The following ZNF443 variants were observed in gnomAD, a reference collection of about 807,000 sequenced individuals.
ZNF443 encodes zinc finger protein 443.
In ZNF443, 3 loss-of-function variants were observed where a neutral mutation model predicts 12.0. The observed-to-expected ratio is 0.25, with a 90% CI of 0.11 to 0.64. The LOEUF (loss-of-function observed/expected upper bound fraction) is 0.64. Ranked by LOEUF, ZNF443 falls within the 30% of genes least tolerant of loss-of-function variation. The pLI is 0.84. For missense variants in ZNF443, 770 were observed against 808.8 expected (o/e 0.95, Z 0.58); for synonymous variants, 225 against 265.9 (o/e 0.85, Z 1.50).
rs1803668437 is a variant in ZNF443, at chr19:12,430,595, TGA to T, written c.1575_1576del (p.Thr527ArgfsTer6). 6 of 1,614,044 alleles carry T rather than the reference TGA, an allele frequency of 3.7e-6. No individual in the cohort carries two copies. The highest frequency in any genetic ancestry group is 5.1e-6 in the Non-Finnish European group (6 of 1,179,960). The stretch of plus-strand genomic sequence containing the variant: ...ACACTCATAAGGTTTCTCTCCTGTG[TGA>T]GTCCTTTTATGTCGAGAAAGGTATC... On this transcript the variant is annotated frameshift_variant, in exon 4 of 4. Coordinates refer to ENST00000301547, the MANE Select transcript of ZNF443 (RefSeq NM_005815.5). LOFTEE classifies it low-confidence loss of function (END_TRUNC).
intron 1 of ZNF443, among the ~76,000 whole-genome samples, chr19:12,436,973 G>A (rs1287417068): frequency 1.3e-5 from 2 of 151,314 alleles, no homozygotes; most frequent in African/African-American, 4.9e-5. Flanking sequence ...GCAGGAGGGA[G>A]GAATGCTGAA....
Position 12,430,969 on chromosome 19 carries a change from T to C in ZNF443, c.1203A>G (p.Ala401=), listed in dbSNP as rs541137100. Residue 401 remains alanine, a synonymous_variant, in exon 4 of 4, where the codon GCA becomes GCG. Coordinates refer to ENST00000301547, the MANE Select transcript of ZNF443 (RefSeq NM_005815.5). ...TTCGAAAGCTTGAGCGATGAGATAA[T>C]GCTTTCCCACACTGCTTGCATTCAT... The part of the protein sequence containing the change: ...KPYECKQCGK[A]LSHRSSFRSH... 1.1e-5 allele frequency: 18 copies of C among 1,613,676 alleles called. No individual in the cohort carries two copies. The highest frequency in any genetic ancestry group is 2.2e-5 in the East Asian group (1 of 44,860).
chr19:12,438,132 T>TG (rs1189537609), intron 1 of ZNF443, among the ~76,000 whole-genome samples: 1 of 149,278 alleles, frequency 6.7e-6, no homozygotes, highest in Non-Finnish European at 1.5e-5. Context: ...TAGCTGGAGG[T>TG]GGGGGCATTG....
At chr19:12,437,785 T>G (rs1970328433) in intron 1 of ZNF443, among the ~76,000 whole-genome samples, 1 of 151,300 alleles carries the variant, frequency 6.6e-6, no homozygotes, top group Admixed American at 6.6e-5. Context: ...TATACTCCAT[T>G]CTAGCCCTAA....
chr19:12,430,706 C>G lies in ZNF443; in HGVS notation c.1466G>C (p.Cys489Ser), dbSNP rs138455350. ...CKLGKACIDF[C>S]SFQNHKTTHT... ...AGTTGTTTTGTGATTTTGAAAGGAA[C>G]AGAAATCAATACAGGCTTTCCCAAG... is the stretch of plus-strand genomic sequence containing the variant. The change falls in exon 4 of 4, where the codon TGT (cysteine) becomes TCT (serine). Residue 489 changes from cysteine to serine, a missense_variant. Coordinates refer to ENST00000301547, the MANE Select transcript of ZNF443 (RefSeq NM_005815.5). The G allele has an allele frequency of 1.9e-6, 3 of 1,613,326 alleles. No individual in the cohort carries two copies. In the East Asian group the frequency reaches 6.7e-5, roughly 36 times the overall value.
chr19:12,430,052 T>C lies in ZNF443; in HGVS notation c.*104A>G. Reference sequence around the variant, plus strand: ...TGAAACTACTTAAGGCTTTACCAAGTGCTTACATTCACAGGGTCTATCTCC... The same window carrying C: ...TGAAACTACTTAAGGCTTTACCAAGCGCTTACATTCACAGGGTCTATCTCC... On this transcript the variant is annotated 3_prime_UTR_variant, in exon 4 of 4. Transcript: ENST00000301547. 6.3e-7 allele frequency: 1 copy of C among 1,584,058 alleles called. No individual in the cohort carries two copies. The highest frequency in any genetic ancestry group is 1.8e-5 in the Admixed American group (1 of 56,218).
At chr19:12,433,764 A>AC (rs1970281532) in intron 1 of ZNF443, among the ~76,000 whole-genome samples, 2 of 151,654 alleles carry the variant, frequency 1.3e-5, no homozygotes, top group African/African-American at 4.8e-5. Flanking sequence ...GACAGAGTGC[A>AC]CTGATCAGCC....
At chr19:12,435,406 T>C (rs895773225) in intron 1 of ZNF443, among the ~76,000 whole-genome samples, 1 of 152,122 alleles carries the variant, frequency 6.6e-6, no homozygotes, top group African/African-American at 2.4e-5. Context: ...GATTAAGACA[T>C]ACAGTAGACC....
At position 12,431,384 on chromosome 19, in the gene ZNF443, G is replaced by C. The variant is rs778242953; in HGVS notation, c.788C>G (p.Pro263Arg). The C allele has an allele frequency of 7.3e-5, 118 of 1,613,850 alleles. No individual in the cohort carries two copies. The highest frequency in any genetic ancestry group is 1.7e-4 in the Admixed American group (10 of 59,960). ...YECKQCSKAF[P>R]FYSSYLRHER... is the part of the protein sequence containing the mutation. ...ATGTCTTAGATAGGAACTGTAAAAA[G>C]GAAAGGCTTTAGAACACTGTTTACA... The change falls in exon 4 of 4, where the codon CCT (proline) becomes CGT (arginine). Residue 263 changes from proline (P) to arginine (R), a missense_variant. By Grantham distance (103) the Pro-to-Arg change is moderately radical. Coordinates refer to ENST00000301547, the MANE Select transcript of ZNF443 (RefSeq NM_005815.5).
At chr19:12,437,250 A>T (rs964712546) in intron 1 of ZNF443, among the ~76,000 whole-genome samples, 5 of 68,998 alleles carry the variant, frequency 7.2e-5, no homozygotes, top group African/African-American at 3.8e-4. Flanking sequence ...TAAATAAATA[A>T]AAAAAAAATT....
In ZNF443 at chr19:12,431,499, A is replaced by G. The variant is rs775586108; in HGVS notation, c.673T>C (p.Tyr225His). Reference sequence around the variant, plus strand: ...GCTTTAGAACACTGCTTACATTCATATGGTTTCTCTCCAGTGTGCGTTCTT... The same window carrying G: ...GCTTTAGAACACTGCTTACATTCATGTGGTTTCTCTCCAGTGTGCGTTCTT... Reference protein sequence around the residue: ...HERTHTGEKPYECKQCSKAFS... With the variant: ...HERTHTGEKPHECKQCSKAFS... The change falls in exon 4 of 4, where the codon TAT becomes CAT. Residue 225 changes from tyrosine to histidine, a missense_variant. Physicochemically the swap from Tyr to His is moderately conservative, Grantham distance 83. Coordinates refer to ENST00000301547, the MANE Select transcript of ZNF443 (RefSeq NM_005815.5). 1 of 1,614,138 alleles carries G rather than the reference A, an allele frequency of 6.2e-7. No individual in the cohort carries two copies. Among genetic ancestry groups the G allele is most frequent in the Non-Finnish European group, 8.5e-7 (1 of 1,179,998 alleles).
At position 12,440,931 on chromosome 19, in the gene ZNF443, T is replaced by C. The variant is rs1267078024; in HGVS notation, c.-17A>G. On this transcript the variant is annotated 5_prime_UTR_variant, in exon 1 of 4. Coordinates refer to ENST00000301547, the MANE Select transcript of ZNF443 (RefSeq NM_005815.5). Reference sequence around the variant, plus strand: ...ACGCACCATTTCCCGACTTCCGCGGTGTCCCAGGTCCTACCGACAGCTCCC... The same window carrying C: ...ACGCACCATTTCCCGACTTCCGCGGCGTCCCAGGTCCTACCGACAGCTCCC... 3 of 1,614,080 alleles carry C rather than the reference T, an allele frequency of 1.9e-6. No individual in the cohort carries two copies. The highest frequency in any genetic ancestry group is 1.1e-5 in the South Asian group (1 of 91,088).
intron 1 of ZNF443, among the ~76,000 whole-genome samples, chr19:12,437,375 T>C (rs1046115229): frequency 1.3e-4 from 19 of 149,308 alleles, no homozygotes; most frequent in African/African-American, 4.7e-4. Flanking sequence ...TCCACTGCAC[T>C]CTAGCCTAGG....
chr19:12,439,235 T>A (rs1021534208), intron 1 of ZNF443, among the ~76,000 whole-genome samples: 1 of 152,308 alleles, frequency 6.6e-6, no homozygotes, highest in African/African-American at 2.4e-5. Context: ...TTCCGTTTTT[T>A]TTCCTATGGA....
Position 12,430,622 on chromosome 19 carries a change from C to T in ZNF443, c.1550G>A (p.Arg517Lys), listed in dbSNP as rs778380063. 2.5e-6 allele frequency: 4 copies of T among 1,613,858 alleles called. No homozygotes were observed. ...AGTCCTTTTATGTCGAGAAAGGTAT[C>T]TGAAACGACTGAATGCTTTCCCACA... ...KECGKAFSRF[R>K]YLSRHKRTHT... The change falls in exon 4 of 4, where the codon AGA (arginine) becomes AAA (lysine). Residue 517 changes from arginine (R) to lysine (K), a missense_variant. Arg to Lys is a conservative substitution (Grantham distance 26). Coordinates refer to ENST00000301547, the MANE Select transcript of ZNF443 (RefSeq NM_005815.5).
chr19:12,435,621 GTAGAGTAT>G (rs1396158399), intron 1 of ZNF443, among the ~76,000 whole-genome samples: 2 of 152,076 alleles, frequency 1.3e-5, no homozygotes, highest in African/African-American at 4.8e-5. Context: ...TAAAGCATAA[GTAGAGTAT>G]TAAACAGCCT....
At chr19:12,437,471 C>T (rs572859040) in intron 1 of ZNF443, among the ~76,000 whole-genome samples, 2 of 145,520 alleles carry the variant, frequency 1.4e-5, no homozygotes, top group African/African-American at 5.0e-5. Flanking sequence ...TAGAAGAAAA[C>T]ACAATCATAT....
At chr19:12,440,411 G>A (rs1401727318) in intron 1 of ZNF443, among the ~76,000 whole-genome samples, 3 of 152,264 alleles carry the variant, frequency 2.0e-5, no homozygotes, top group South Asian at 2.1e-4. Context: ...GACCCCACGA[G>A]GGAGCCCTCT....
chr19:12,437,995 G>A (rs1470903777), intron 1 of ZNF443, among the ~76,000 whole-genome samples: 2 of 151,878 alleles, frequency 1.3e-5, no homozygotes, highest in East Asian at 1.9e-4. Context: ...CAGCTACTCA[G>A]GAGGCTGAGG....
Sources: gnomAD v4.1 joint callset for allele counts (sites outside exome capture counted in the v4.1 genomes callset) on GRCh38, gnomAD v4.1.1 for gene constraint, MANE v1.5 for transcripts, NCBI Gene and HGNC (gene_info 2026-07-23, HGNC 2026-07-21) for gene names.